The following AGBL1 variants were observed in gnomAD, a reference collection of about 807,000 sequenced individuals.
AGBL1 encodes AGBL carboxypeptidase 1.
A neutral mutation model predicts 118.9 loss-of-function variants in AGBL1; 130 were observed. That is an observed-to-expected ratio of 1.09 (90% confidence interval 0.95 to 1.26). The LOEUF is 1.26. AGBL1 is among the 50% of genes most tolerant of loss of function. The probability of loss-of-function intolerance (pLI) is 0.00; values close to 1 mark genes in which losing one functional copy is unlikely to be tolerated. For missense variants in AGBL1, 1,584 were observed against 1,298.1 expected, an observed-to-expected ratio of 1.22 and a Z score of -3.38; for synonymous variants, 555 against 478.9, an observed-to-expected ratio of 1.16 and a Z score of -2.08.
intron 17 of AGBL1, among the ~76,000 whole-genome samples, chr15:86,336,597 G>A (rs568789691): frequency 9.2e-5 from 14 of 152,330 alleles, no homozygotes; most frequent in Non-Finnish European, 4.4e-5. Flanking sequence ...ATGAGGAGGG[G>A]TGAGGGGTGT....
chr15:86,364,105 A>G (rs1344294639), intron 17 of AGBL1, among the ~76,000 whole-genome samples: 4 of 152,064 alleles, frequency 2.6e-5, no homozygotes, highest in African/African-American at 9.7e-5. Context: ...GTTCTTTTCC[A>G]TCATAACTTC....
intron 22 of AGBL1, among the ~76,000 whole-genome samples, chr15:86,751,166 T>C (rs753489468): frequency 6.6e-6 from 1 of 152,134 alleles, no homozygotes; most frequent in African/African-American, 2.4e-5. Context: ...GGTCGAATGG[T>C]ATTTATGTCT....
intron 4 of AGBL1, among the ~76,000 whole-genome samples, chr15:86,157,909 C>A (rs1245130443): frequency 6.6e-6 from 1 of 152,200 alleles, no homozygotes; most frequent in Non-Finnish European, 1.5e-5. Flanking sequence ...TTGTTATCCT[C>A]TTCCAATTTC....
intron 22 of AGBL1, among the ~76,000 whole-genome samples, chr15:86,695,548 T>G (rs988349525): frequency 3.3e-5 from 5 of 152,024 alleles, no homozygotes; most frequent in African/African-American, 9.7e-5. Flanking sequence ...GAACCAGCTT[T>G]TTGTTTCATT....
At chr15:86,425,844 A>G (rs976636634) in intron 18 of AGBL1, among the ~76,000 whole-genome samples, 1 of 152,174 alleles carries the variant, frequency 6.6e-6, no homozygotes, top group Non-Finnish European at 1.5e-5. Flanking sequence ...AGGCAACTCT[A>G]TGCTACTCAT....
chr15:86,282,283 G>C (rs754906475), intron 16 of AGBL1, among the ~76,000 whole-genome samples: 2 of 152,270 alleles, frequency 1.3e-5, no homozygotes, highest in Non-Finnish European at 2.9e-5. Context: ...TTCACTGAGA[G>C]GGAAAGAGAG....
chr15:86,786,274 A>C (rs1033626871), intron 22 of AGBL1, among the ~76,000 whole-genome samples: 3 of 151,830 alleles, frequency 2.0e-5, no homozygotes, highest in African/African-American at 7.3e-5. Flanking sequence ...ACCCCACAAC[A>C]GTCCCTAGAG....
At chr15:86,462,285 G>C (rs2082343751) in intron 18 of AGBL1, among the ~76,000 whole-genome samples, 1 of 151,732 alleles carries the variant, frequency 6.6e-6, no homozygotes, top group Non-Finnish European at 1.5e-5. Context: ...ATCAATAAAT[G>C]ATGACGTCCT....
At chr15:86,085,803 T>C (rs549391731) in intron 1 of AGBL1, among the ~76,000 whole-genome samples, 2 of 152,322 alleles carry the variant, frequency 1.3e-5, no homozygotes, top group African/African-American at 4.8e-5. Flanking sequence ...TTTAATTTGT[T>C]ATTTTAGGGG....
Position 86,267,058 on chromosome 15 carries a change from A to C in AGBL1, c.1820A>C (p.Lys607Thr). The change falls in exon 13 of 23, where the codon AAA becomes ACA. Residue 607 changes from lysine to threonine, a missense_variant. Lys to Thr is a moderately conservative substitution (Grantham distance 78). Coordinates refer to ENST00000614907, the MANE Select transcript of AGBL1 (RefSeq NM_001386094.1). ...AAATTTGAGTCAGGAAATCTTCGCA[A>C]AGCCATCCAAGTGCGTGAGTAAGTA... ...FSKFESGNLR[K>T]AIQVREFEYD... is the part of the protein sequence containing the mutation. The C allele has an allele frequency of 1.3e-6, 2 of 1,564,316 alleles. No homozygotes were observed. The highest frequency in any genetic ancestry group is 1.7e-4 in the Middle Eastern group (1 of 6,002).
At chr15:86,101,655 A>G (rs752971916) in intron 1 of AGBL1, among the ~76,000 whole-genome samples, 1 of 132,750 alleles carries the variant, frequency 7.5e-6, no homozygotes, top group African/African-American at 2.8e-5. Context: ...TTAGTTTTTG[A>G]CTTATAATCT....
At chr15:86,240,305 T>C (rs1423874572) in intron 6 of AGBL1, among the ~76,000 whole-genome samples, 2 of 152,256 alleles carry the variant, frequency 1.3e-5, no homozygotes, top group African/African-American at 4.8e-5. Context: ...CAGCTTATTT[T>C]CATGTAATAT....
chr15:86,833,304 A>G (rs944563146), intron 22 of AGBL1, among the ~76,000 whole-genome samples: 3 of 152,032 alleles, frequency 2.0e-5, no homozygotes, highest in African/African-American at 7.2e-5. Flanking sequence ...CTGTGTCCCC[A>G]CCCAAATCTC....
intron 5 of AGBL1, among the ~76,000 whole-genome samples, chr15:86,202,898 G>T (rs932068236): frequency 6.6e-6 from 1 of 152,050 alleles, no homozygotes; most frequent in Non-Finnish European, 1.5e-5. Flanking sequence ...TAAGGAGGCT[G>T]AGGCAATTGC....
intron 18 of AGBL1, among the ~76,000 whole-genome samples, chr15:86,415,113 G>C (rs1012573252): frequency 2.6e-5 from 4 of 152,182 alleles, no homozygotes; most frequent in African/African-American, 9.7e-5. Flanking sequence ...TAACTGCTGG[G>C]ATGCCTCTTT....
chr15:86,537,662 T>A (rs1161073944), intron 19 of AGBL1, among the ~76,000 whole-genome samples: 4 of 152,238 alleles, frequency 2.6e-5, no homozygotes. Flanking sequence ...TCAAATGTTT[T>A]AAAATGTCGT....
At chr15:86,330,754 G>T (rs1567202401) in intron 17 of AGBL1, among the ~76,000 whole-genome samples, 1 of 151,494 alleles carries the variant, frequency 6.6e-6, no homozygotes, top group Non-Finnish European at 1.5e-5. Context: ...AATGAAGGAT[G>T]AAATAAATAT....
At chr15:86,789,261 C>T (rs779422485) in intron 22 of AGBL1, among the ~76,000 whole-genome samples, 43 of 152,150 alleles carry the variant, frequency 2.8e-4, no homozygotes, top group Non-Finnish European at 4.4e-4. Flanking sequence ...CAAGGAATAT[C>T]ACATCATGCA....
At chr15:86,709,074 G>A (rs1186210902) in intron 22 of AGBL1, among the ~76,000 whole-genome samples, 3 of 152,000 alleles carry the variant, frequency 2.0e-5, no homozygotes, top group African/African-American at 4.8e-5. Context: ...ACTTCACTAC[G>A]TCAAGATTAT....
Sources: allele counts gnomAD v4.1 joint callset (sites outside exome capture counted in the v4.1 genomes callset), GRCh38; gene constraint gnomAD v4.1.1; transcripts MANE v1.5; gene names NCBI Gene and HGNC (gene_info 2026-07-23, HGNC 2026-07-21).